Variants in SEC11A observed in about 807,000 individuals in gnomAD.
SEC11A encodes signal peptidase complex catalytic subunit SEC11A.
SEC11A carries 14 observed loss-of-function variants against 25.6 expected under a neutral mutation model. That is an observed-to-expected ratio of 0.55 (90% confidence interval 0.36 to 0.85). The LOEUF is 0.85. SEC11A is among the 40% of genes least tolerant of loss of function. The probability of loss-of-function intolerance (pLI) is 0.01; values close to 1 mark genes in which losing one functional copy is unlikely to be tolerated. For missense variants in SEC11A, 153 were observed against 222.9 expected (o/e 0.69, Z 2.00); for synonymous variants, 83 against 76.4 (o/e 1.09, Z -0.45).
At chr15:84,686,178 C>T (rs1053461917) in intron 3 of SEC11A, among the ~76,000 whole-genome samples, 4 of 152,132 alleles carry the variant, frequency 2.6e-5, no homozygotes, top group African/African-American at 4.8e-5. Flanking sequence ...AGTATTTCCA[C>T]ATACATACTG....
intron 1 of SEC11A, among the ~76,000 whole-genome samples, chr15:84,694,539 C>T (rs753771437): frequency 1.3e-5 from 2 of 152,012 alleles, no homozygotes. Flanking sequence ...AAGCAATATC[C>T]TAGCCATGGC....
At chr15:84,670,576 C>T (rs1405180818) in intron 5 of SEC11A, 149 bp downstream of exon 5, 6 of 452,994 alleles carry the variant, frequency 1.3e-5, no homozygotes, top group Admixed American at 4.4e-5. Context: ...GACGGGGTTT[C>T]GCTATGTTGC....
chr15:84,693,222 GT>G (rs1361319334), intron 1 of SEC11A, among the ~76,000 whole-genome samples: 1 of 152,062 alleles, frequency 6.6e-6, no homozygotes, highest in Non-Finnish European at 1.5e-5. Context: ...GTGGAAGACT[GT>G]TCTAGATTAA....
chr15:84,708,984 A>G (rs1898181550), intron 1 of SEC11A, among the ~76,000 whole-genome samples: 1 of 152,102 alleles, frequency 6.6e-6, no homozygotes, highest in Admixed American at 6.6e-5. Flanking sequence ...TGCAAATTCA[A>G]TCAAGCAATA....
intron 4 of SEC11A, chr15:84,679,218 A>C: frequency 8.6e-7 from 1 of 1,161,204 alleles, no homozygotes; most frequent in Non-Finnish European, 1.1e-6. Flanking sequence ...GAGAGTTTAA[A>C]TAATCACATT....
intron 1 of SEC11A, among the ~76,000 whole-genome samples, chr15:84,693,743 G>A (rs1411346557): frequency 3.9e-5 from 6 of 152,096 alleles, no homozygotes. Context: ...TGACAGATGT[G>A]AGCCACTGTA....
intron 4 of SEC11A, among the ~76,000 whole-genome samples, chr15:84,679,508 G>A (rs1030701306): frequency 4.6e-5 from 7 of 152,184 alleles, no homozygotes; most frequent in Non-Finnish European, 8.8e-5. Context: ...TGGGAACTGC[G>A]TATCTCAGAC....
At chr15:84,696,516 C>A (rs1296222546) in intron 1 of SEC11A, among the ~76,000 whole-genome samples, 1 of 152,108 alleles carries the variant, frequency 6.6e-6, no homozygotes, top group Non-Finnish European at 1.5e-5. Context: ...AATTCAGAAC[C>A]TCTGAGGAAG....
chr15:84,679,461 G>A (rs981609029), intron 4 of SEC11A, among the ~76,000 whole-genome samples: 1 of 152,182 alleles, frequency 6.6e-6, no homozygotes, highest in Non-Finnish European at 1.5e-5. Flanking sequence ...CTGTAACTGA[G>A]GAAGCTTTCA....
intron 3 of SEC11A, among the ~76,000 whole-genome samples, chr15:84,683,767 C>T (rs905269879): frequency 6.6e-6 from 1 of 151,990 alleles, no homozygotes; most frequent in African/African-American, 2.4e-5. Context: ...TCAGGTGATC[C>T]GCCCTCCTCG....
At chr15:84,707,800 A>G (rs1898141270) in intron 1 of SEC11A, among the ~76,000 whole-genome samples, 1 of 152,204 alleles carries the variant, frequency 6.6e-6, no homozygotes, top group South Asian at 2.1e-4. Context: ...TATAAAAAAA[A>G]TAACAGATGT....
At chr15:84,691,755 G>A (rs1482537413) in intron 1 of SEC11A, 111 bp from the exon 2 acceptor site, 5 of 607,550 alleles carry the variant, frequency 8.2e-6, no homozygotes, top group African/African-American at 3.7e-5. Context: ...GACAACTACA[G>A]TTCTGAGACA....
chr15:84,699,089 C>G (rs753298310), intron 1 of SEC11A, among the ~76,000 whole-genome samples: 2 of 151,926 alleles, frequency 1.3e-5, no homozygotes, highest in South Asian at 4.2e-4. Context: ...CCAAGGAGGG[C>G]AGATCACTTG....
At chr15:84,704,945 G>GA (rs1299804040) in intron 1 of SEC11A, among the ~76,000 whole-genome samples, 1 of 149,110 alleles carries the variant, frequency 6.7e-6, no homozygotes, top group Non-Finnish European at 1.5e-5. Context: ...TTTTTAAAGA[G>GA]AAAGGGTCTC....
At chr15:84,706,857 A>G (rs1567043906) in intron 1 of SEC11A, among the ~76,000 whole-genome samples, 1 of 152,216 alleles carries the variant, frequency 6.6e-6, no homozygotes, top group Non-Finnish European at 1.5e-5. Flanking sequence ...TTGGAAGGTG[A>G]AAGTGCAGTA....
At chr15:84,694,198 C>T (rs1475359552) in intron 1 of SEC11A, among the ~76,000 whole-genome samples, 2 of 151,498 alleles carry the variant, frequency 1.3e-5, no homozygotes, top group Non-Finnish European at 1.5e-5. Context: ...CTACTAAAAA[C>T]ACAAAAATTA....
chr15:84,692,953 C>CT (rs1207222364), intron 1 of SEC11A, among the ~76,000 whole-genome samples: 1 of 152,184 alleles, frequency 6.6e-6, no homozygotes, highest in African/African-American at 2.4e-5. Flanking sequence ...TCAAGCAATC[C>CT]TCCCACTTCA....
At chr15:84,670,224 CT>C in intron 5 of SEC11A, 155 bp from the exon 6 acceptor site, 3 of 553,996 alleles carry the variant, frequency 5.4e-6, no homozygotes, top group Non-Finnish European at 9.0e-6. Flanking sequence ...GTTTCCAATA[CT>C]AAGCAAAATA....
intron 2 of SEC11A, among the ~76,000 whole-genome samples, chr15:84,690,546 G>C (rs1000368849): frequency 6.6e-6 from 1 of 152,130 alleles, no homozygotes; most frequent in Admixed American, 6.5e-5. Flanking sequence ...GAGACCGGTA[G>C]GTGGAGTCTG....
Sources: gnomAD v4.1 joint callset for allele counts (sites outside exome capture counted in the v4.1 genomes callset) on GRCh38, gnomAD v4.1.1 for gene constraint, MANE v1.5 for transcripts, NCBI Gene and HGNC (gene_info 2026-07-23, HGNC 2026-07-21) for gene names.